SETD3: variants seen among roughly 807,000 people sequenced by gnomAD.
SETD3 encodes actin-histidine N-methyltransferase.
A neutral mutation model predicts 63.0 loss-of-function variants in SETD3; 19 were observed. The observed-to-expected ratio is 0.30, with a 90% CI of 0.21 to 0.44. SETD3 has a LOEUF of 0.44. Among genes scored for constraint, SETD3 ranks in the 20% least tolerant of loss-of-function variants. SETD3 has a pLI of 1.00. For synonymous variants in SETD3, 286 were observed against 264.1 expected, an observed-to-expected ratio of 1.08 and a Z score of -0.80; for missense variants, 587 against 728.5, an observed-to-expected ratio of 0.81 and a Z score of 2.24.
chr14:99,463,020 G>A (rs987155545), intron 3 of SETD3, among the ~76,000 whole-genome samples: 2 of 152,094 alleles, frequency 1.3e-5, no homozygotes, highest in Non-Finnish European at 2.9e-5. Context: ...TTACAATGGC[G>A]ACTGCATACG....
At chr14:99,483,802 T>G (rs1481657871), upstream of SETD3, among the ~76,000 whole-genome samples, 1 of 152,216 alleles carries the variant, frequency 6.6e-6, no homozygotes, top group East Asian at 1.9e-4. Flanking sequence ...TGGGGAGATG[T>G]CTTTGGAGAT....
intron 8 of SETD3, chr14:99,411,393 A>G (rs1202722501): frequency 6.6e-6 from 1 of 152,206 alleles, no homozygotes; most frequent in Non-Finnish European, 1.5e-5. Flanking sequence ...CAATGTGCAG[A>G]TGAGTGTGTG....
chr14:99,479,656 T>G (rs1031700017), intron 1 of SETD3, among the ~76,000 whole-genome samples: 1 of 152,242 alleles, frequency 6.6e-6, no homozygotes, highest in Non-Finnish European at 1.5e-5. Context: ...TGTCCGGTTC[T>G]GAGTTCTGAC....
intron 6 of SETD3, among the ~76,000 whole-genome samples, chr14:99,420,349 T>A (rs1432451853): frequency 2.0e-5 from 3 of 152,232 alleles, no homozygotes; most frequent in Non-Finnish European, 4.4e-5. Context: ...TCTTCTTTTT[T>A]AAAATTTTAA....
intron 1 of SETD3, 54 bp from the exon 2 acceptor site, chr14:99,465,867 CA>C: frequency 8.2e-7 from 1 of 1,217,450 alleles, no homozygotes; most frequent in Non-Finnish European, 1.2e-6. Flanking sequence ...AGAACAAAAT[CA>C]AGTAATAAAA....
At chr14:99,461,167 T>C in intron 4 of SETD3, 25 bp downstream of exon 4, 1 of 1,613,248 alleles carries the variant, frequency 6.2e-7, no homozygotes, top group Non-Finnish European at 8.5e-7. Flanking sequence ...ATAGACCCCT[T>C]GAGACCAACA....
Position 99,459,093 on chromosome 14 carries a change from G to A in SETD3, c.418+20C>T, listed in dbSNP as rs772541655. On this transcript the variant is annotated intron_variant, in intron 5 of 12. Transcript: ENST00000331768. The stretch of plus-strand genomic sequence containing the variant: ...TTTGTCATTTGTGCTTTGCCTTGAA[G>A]AGTCAGAAATTATTCTCACCCAACA... 6.3e-7 allele frequency: 1 copy of A among 1,586,214 alleles called. No homozygotes were observed. The highest frequency in any genetic ancestry group is 2.3e-5 in the East Asian group (1 of 44,048).
intron 6 of SETD3, among the ~76,000 whole-genome samples, chr14:99,437,167 C>T (rs1207288761): frequency 1.3e-5 from 2 of 152,182 alleles, no homozygotes; most frequent in East Asian, 3.9e-4. Flanking sequence ...CTCGCAGGCA[C>T]GCGGAGGATT....
intron 10 of SETD3, 69 bp downstream of exon 10, chr14:99,405,136 T>A (rs1891610447): frequency 1.3e-6 from 2 of 1,538,054 alleles, no homozygotes; most frequent in East Asian, 4.5e-5. Context: ...AACACACCAA[T>A]TAAACACTAT....
chr14:99,460,592 G>A lies in SETD3; in HGVS notation c.345+600C>T, dbSNP rs112615270. Among the ~76,000 whole-genome samples, 1,417 of 152,166 alleles carry A rather than the reference G, an allele frequency of 9.3e-3. 18 individuals carry two copies. The highest frequency in any genetic ancestry group is 0.032 in the African/African-American group (1,331 of 41,490). On this transcript the variant is annotated intron_variant, in intron 4 of 12. Coordinates refer to ENST00000331768, the MANE Select transcript of SETD3 (RefSeq NM_032233.3). ...AAACTTGGCCAACAGATGAAGGAGT[G>A]CCTCCTCTTAGAAGAGACATGAGTG...
chr14:99,484,066 G>A (rs1286571240), upstream of SETD3, among the ~76,000 whole-genome samples: 1 of 152,234 alleles, frequency 6.6e-6, no homozygotes, highest in Non-Finnish European at 1.5e-5. Context: ...AATTTACTTG[G>A]TGTGATTACA....
chr14:99,464,655 A>T (rs73354826), intron 2 of SETD3, among the ~76,000 whole-genome samples: 108 of 152,346 alleles, frequency 7.1e-4, no homozygotes, highest in Middle Eastern at 3.4e-3. Context: ...CTTGAGGTTT[A>T]GCCTGCCACA....
intron 6 of SETD3, among the ~76,000 whole-genome samples, chr14:99,437,605 A>G (rs1188110498): frequency 1.3e-5 from 2 of 152,162 alleles, no homozygotes; most frequent in African/African-American, 4.8e-5. Flanking sequence ...AAAAAAGAAA[A>G]GGCACTAGAT....
intron 3 of SETD3, among the ~76,000 whole-genome samples, chr14:99,461,611 T>C (rs1190967991): frequency 6.6e-6 from 1 of 152,250 alleles, no homozygotes. Flanking sequence ...TACTATTAGG[T>C]AATACGATGG....
chr14:99,406,896 G>T lies in SETD3; in HGVS notation c.850-306C>A, dbSNP rs1417795270. On this transcript the variant is annotated intron_variant, in intron 8 of 12. Coordinates refer to ENST00000331768, the MANE Select transcript of SETD3 (RefSeq NM_032233.3). Reference sequence around the variant, plus strand: ...ATAATCGCCTCTGGGCCTCCCTGGTGGCAGTGAGGGCAGTGAGCCCACAGG... The same window carrying T: ...ATAATCGCCTCTGGGCCTCCCTGGTTGCAGTGAGGGCAGTGAGCCCACAGG... 3.9e-5 allele frequency among the ~76,000 whole-genome samples: 6 copies of T among 152,320 alleles called. 1 individual carries two copies. In the East Asian group the frequency reaches 1.2e-3, roughly 29 times the overall value.
At chr14:99,477,221 T>C (rs1896018163) in intron 1 of SETD3, among the ~76,000 whole-genome samples, 1 of 152,244 alleles carries the variant, frequency 6.6e-6, no homozygotes, top group Non-Finnish European at 1.5e-5. Flanking sequence ...ACTTTGGTAT[T>C]TGAATTTTAT....
At position 99,476,911 on chromosome 14, in the gene SETD3, C is replaced by T. The variant is rs139391454; in HGVS notation, c.-9+3817G>A. ...ATTAAAAACTAAAAATAAAAAGTTC[C>T]GTGTAGACACTTGATTATCTACATT... On this transcript the variant is annotated intron_variant, in intron 1 of 12. Coordinates refer to ENST00000331768, the MANE Select transcript of SETD3 (RefSeq NM_032233.3). Among the ~76,000 whole-genome samples the T allele has an allele frequency of 7.2e-3, 1,092 of 152,188 alleles. 8 individuals carry two copies. Among genetic ancestry groups the T allele is most frequent in the African/African-American group, 0.024 (1,006 of 41,522 alleles).
chr14:99,405,052 C>T (rs556159726), intron 10 of SETD3, among the ~76,000 whole-genome samples, 153 bp downstream of exon 10: 2 of 152,294 alleles, frequency 1.3e-5, no homozygotes, highest in Non-Finnish European at 2.9e-5. Flanking sequence ...AGCCACCAAG[C>T]GTCGCCATGG....
chr14:99,418,975 C>A (rs1341803068), intron 6 of SETD3, among the ~76,000 whole-genome samples: 1 of 152,152 alleles, frequency 6.6e-6, no homozygotes, highest in Non-Finnish European at 1.5e-5. Flanking sequence ...GGCTGATCAA[C>A]CCGTCTTCTA....
Sources: gnomAD v4.1 joint callset for allele counts (sites outside exome capture counted in the v4.1 genomes callset) on GRCh38, gnomAD v4.1.1 for gene constraint, MANE v1.5 for transcripts, NCBI Gene and HGNC (gene_info 2026-07-23, HGNC 2026-07-21) for gene names.